Variants in STK10 observed in about 807,000 individuals in gnomAD.
The protein encoded by STK10 is serine/threonine kinase 10.
STK10 carries 78 observed loss-of-function variants against 113.8 expected under a neutral mutation model. The ratio of observed to expected loss-of-function variants is 0.69; its 90% confidence interval spans 0.57 to 0.83. The LOEUF is 0.83. Ranked by LOEUF, STK10 falls within the 40% of genes least tolerant of loss-of-function variation. STK10 has a pLI of 0.00. For synonymous variants in STK10, 465 were observed against 494.7 expected (o/e 0.94, Z 0.80); for missense variants, 1,109 against 1,280.1 (o/e 0.87, Z 2.04).
chr5:172,179,078 TAA>T (rs1417482466), intron 1 of STK10, among the ~76,000 whole-genome samples: 2 of 152,208 alleles, frequency 1.3e-5, no homozygotes, highest in Non-Finnish European at 2.9e-5. Flanking sequence ...GCCTTGTCCC[TAA>T]AGTCATAGTG....
chr5:172,049,310 T>C (rs1397535941), intron 18 of STK10, among the ~76,000 whole-genome samples: 1 of 152,022 alleles, frequency 6.6e-6, no homozygotes, highest in Non-Finnish European at 1.5e-5. Context: ...ATAAACACCA[T>C]GACAGGGGCA....
intron 2 of STK10, among the ~76,000 whole-genome samples, chr5:172,155,719 G>A (rs1031976327): frequency 6.6e-6 from 1 of 152,126 alleles, no homozygotes; most frequent in Non-Finnish European, 1.5e-5. Context: ...AGAGGACTGG[G>A]CATGGTGGCT....
intron 12 of STK10, among the ~76,000 whole-genome samples, chr5:172,073,451 C>G (rs1349098990): frequency 6.6e-6 from 1 of 151,874 alleles, no homozygotes; most frequent in African/African-American, 2.4e-5. Context: ...CGCACCCAAC[C>G]TAATTTTTAA....
At chr5:172,181,825 A>G (rs1164530891) in intron 1 of STK10, among the ~76,000 whole-genome samples, 1 of 151,924 alleles carries the variant, frequency 6.6e-6, no homozygotes, top group African/African-American at 2.4e-5. Flanking sequence ...AAAAAAAGAA[A>G]TAAAACACTA....
intron 12 of STK10, among the ~76,000 whole-genome samples, chr5:172,067,708 T>C (rs138744339): frequency 0.013 from 1,932 of 151,872 alleles, 22 homozygotes; most frequent in Middle Eastern, 0.034. Context: ...AAAACAATAG[T>C]GGAATGGTGA....
chr5:172,153,208 C>T (rs1219828947), intron 2 of STK10, among the ~76,000 whole-genome samples: 1 of 152,024 alleles, frequency 6.6e-6, no homozygotes, highest in African/African-American at 2.4e-5. Flanking sequence ...ATCTCTTGAA[C>T]ACAGGAGATA....
intron 7 of STK10, among the ~76,000 whole-genome samples, chr5:172,099,377 TAAA>T (rs1415005121): frequency 1.3e-5 from 2 of 152,074 alleles, no homozygotes; most frequent in African/African-American, 4.8e-5. Context: ...CTGTCTCTAC[TAAA>T]AATAACAAAA....
intron 9 of STK10, among the ~76,000 whole-genome samples, chr5:172,090,825 C>T (rs1360521608): frequency 6.7e-6 from 1 of 149,414 alleles, no homozygotes; most frequent in Non-Finnish European, 1.5e-5. Flanking sequence ...ATCACAGCTA[C>T]TTGGGAGGCT....
At chr5:172,139,735 A>G (rs1431252271) in intron 2 of STK10, among the ~76,000 whole-genome samples, 1 of 152,058 alleles carries the variant, frequency 6.6e-6, no homozygotes, top group Non-Finnish European at 1.5e-5. Context: ...AACTTAAAAA[A>G]GGAGGCAAAA....
intron 4 of STK10, chr5:172,114,473 A>ATATATATATATAT (rs1226289994): frequency 6.3e-5 from 3 of 47,540 alleles, no homozygotes; most frequent in Non-Finnish European, 3.2e-5. Context: ...ATATATATAT[A>ATATATATATATAT]TTTTTTTTTT....
At chr5:172,068,122 C>CCT (rs1211555500) in intron 12 of STK10, among the ~76,000 whole-genome samples, 1 of 152,056 alleles carries the variant, frequency 6.6e-6, no homozygotes. Flanking sequence ...GGGTGGATCA[C>CCT]GAGGTCAGGA....
At chr5:172,053,162 G>C in intron 17 of STK10, 120 bp from the exon 18 acceptor site, 1 of 737,844 alleles carries the variant, frequency 1.4e-6, no homozygotes, top group Non-Finnish European at 2.3e-6. Flanking sequence ...ATTTCTTCTT[G>C]ACTATAAATC....
chr5:172,150,063 A>G (rs990479089), intron 2 of STK10, among the ~76,000 whole-genome samples: 4 of 149,636 alleles, frequency 2.7e-5, no homozygotes, highest in Non-Finnish European at 5.9e-5. Context: ...AAAAAAAAAA[A>G]AAAAGAAAGA....
intron 2 of STK10, among the ~76,000 whole-genome samples, chr5:172,156,401 C>A (rs1770348606): frequency 6.6e-6 from 1 of 152,218 alleles, no homozygotes; most frequent in South Asian, 2.1e-4. Flanking sequence ...CGAGGCCAGG[C>A]CATAGCGCTT....
At position 172,166,284 on chromosome 5, in the gene STK10, A is replaced by G. The variant is rs549237010; in HGVS notation, c.157-9496T>C. ...TGGAGTGCTACTGGCTCTGTGGAAC[A>G]CCTGGAGACAGCTGTACCTGAAGGC... On this transcript the variant is annotated intron_variant, in intron 1 of 18. Coordinates refer to ENST00000176763, the MANE Select transcript of STK10 (RefSeq NM_005990.4). Among the ~76,000 whole-genome samples the G allele has an allele frequency of 7.2e-5, 11 of 152,290 alleles. No individual in the cohort carries two copies. In the East Asian group the frequency reaches 1.9e-3, roughly 27 times the overall value.
In STK10 at chr5:172,184,194, G is replaced by A. The variant is rs75169080; in HGVS notation, c.156+3693C>T. Among the ~76,000 whole-genome samples, 942 of 152,256 alleles carry A rather than the reference G, an allele frequency of 6.2e-3. 9 individuals carry two copies. Among genetic ancestry groups the A allele is most frequent in the African/African-American group, 0.021 (884 of 41,538 alleles). On this transcript the variant is annotated intron_variant, in intron 1 of 18. Coordinates refer to ENST00000176763, the MANE Select transcript of STK10 (RefSeq NM_005990.4). Reference sequence around the variant, plus strand: ...AACACCAAGATGGAATTTTTGGTTTGGGTTACTTCAGTAACCAGGCCAGGG... The same window carrying A: ...AACACCAAGATGGAATTTTTGGTTTAGGTTACTTCAGTAACCAGGCCAGGG...
chr5:172,079,101 T>C (rs1033905618), intron 12 of STK10, among the ~76,000 whole-genome samples: 3 of 152,220 alleles, frequency 2.0e-5, no homozygotes, highest in African/African-American at 7.2e-5. Context: ...AAAACATCTA[T>C]GTAAGGACAG....
intron 3 of STK10, among the ~76,000 whole-genome samples, chr5:172,124,792 C>T (rs1481110547): frequency 6.6e-6 from 1 of 152,064 alleles, no homozygotes; most frequent in Non-Finnish European, 1.5e-5. Context: ...CTCTTATGAA[C>T]GGTCTCTGTG....
chr5:172,093,482 C>G lies in STK10; in HGVS notation c.1484G>C (p.Ser495Thr), dbSNP rs375474266. Residue 495 changes from serine to threonine, a missense_variant, in exon 9 of 19, where the codon AGC becomes ACC. By Grantham distance (58) the Ser-to-Thr change is moderately conservative. Coordinates refer to ENST00000176763, the MANE Select transcript of STK10 (RefSeq NM_005990.4). The surrounding 1 kb of genome is among the most constrained non-coding windows in gnomAD (Gnocchi z 4.1). ...GGAGAGATTGGTACCATAGTCCATG[C>G]TCTCAGAGGTGCAGAGGCTGCTGCA... ...SDCSSLCTSE[S>T]MDYGTNLSTD... 25 of 1,614,102 alleles carry G rather than the reference C, an allele frequency of 1.5e-5. No homozygotes were observed. Among genetic ancestry groups the G allele is most frequent in the African/African-American group, 9.3e-5 (7 of 74,950 alleles).
Sources: gnomAD v4.1 joint callset for allele counts (sites outside exome capture counted in the v4.1 genomes callset) on GRCh38, gnomAD v4.1.1 for gene constraint, Gnocchi (gnomAD v3.1) non-coding constraint, MANE v1.5 for transcripts, NCBI Gene and HGNC (gene_info 2026-07-23, HGNC 2026-07-21) for gene names.